The following BCR variants were observed in gnomAD, a reference collection of about 807,000 sequenced individuals.
BCR encodes breakpoint cluster region protein.
In BCR, 58 loss-of-function variants were observed where a neutral mutation model predicts 138.6. The ratio of observed to expected loss-of-function variants is 0.42; its 90% CI spans 0.34 to 0.52. The LOEUF (loss-of-function observed/expected upper bound fraction) is 0.52, where lower values mean the gene tolerates loss of function less well. Ranked by LOEUF, BCR falls within the 20% of genes least tolerant of loss-of-function variation. The pLI is 0.06. For missense variants in BCR, 1,599 were observed against 1,727.2 expected, an observed-to-expected ratio of 0.93 and a Z score of 1.32; for synonymous variants, 786 against 730.1, an observed-to-expected ratio of 1.08 and a Z score of -1.23.
At chr22:23,274,550 A>G (rs977891589) in intron 8 of BCR, among the ~76,000 whole-genome samples, 3 of 152,198 alleles carry the variant, frequency 2.0e-5, no homozygotes, top group African/African-American at 7.2e-5. Context: ...GGTCTCATGC[A>G]GGGACAGAAG....
Position 23,292,767 on chromosome 22 carries a change from A to C in BCR, c.2880+129A>C, listed in dbSNP as rs922547169. On this transcript the variant is annotated intron_variant, in intron 15 of 22. Coordinates refer to ENST00000305877, the MANE Select transcript of BCR (RefSeq NM_004327.4). ...GAAGGCAGTGCTGCTGAATTCCAGG[A>C]ATCTCCTGGGGGGCCAGTAGGTGAC... The C allele has an allele frequency of 4.2e-6, 3 of 714,106 alleles. No individual in the cohort carries two copies. The African/African-American group carries it at 5.4e-5, about 13-fold the overall frequency. The allele number at this position is 714,106 out of a possible 1,614,324, so 44.2% of individuals were successfully genotyped here.
chr22:23,282,977 C>G (rs537060321), intron 8 of BCR, among the ~76,000 whole-genome samples: 2 of 152,328 alleles, frequency 1.3e-5, no homozygotes, highest in East Asian at 3.9e-4. Context: ...GCTCTGTTTT[C>G]TCATTAAGGA....
intron 1 of BCR, chr22:23,198,444 G>A (rs2072508601): frequency 4.9e-6 from 2 of 408,984 alleles, no homozygotes; most frequent in South Asian, 1.8e-5. Context: ...AGGTGGCTGG[G>A]TTACTGCTGA....
intron 8 of BCR, among the ~76,000 whole-genome samples, chr22:23,279,011 GC>G (rs2073611211): frequency 6.6e-6 from 1 of 152,246 alleles, no homozygotes; most frequent in African/African-American, 2.4e-5. Context: ...TGGGCACGTT[GC>G]TTACCTCTTA....
rs5996481 is a variant in BCR, at chr22:23,189,997, A to G, written c.1279+7758A>G. 4.8e-3 allele frequency among the ~76,000 whole-genome samples: 733 copies of G among 152,280 alleles called. 4 individuals are homozygous for G. The highest frequency in any genetic ancestry group is 0.017 in the African/African-American group (690 of 41,556). On this transcript the variant is annotated intron_variant, in intron 1 of 22. Coordinates refer to ENST00000305877, the MANE Select transcript of BCR (RefSeq NM_004327.4). ...AGACTGGGTGGCTTAAATAACAGAA[A>G]TATATTTTCTCACACTTCTGGATGC...
At chr22:23,186,805 C>T (rs999828977) in intron 1 of BCR, among the ~76,000 whole-genome samples, 1 of 152,158 alleles carries the variant, frequency 6.6e-6, no homozygotes, top group African/African-American at 2.4e-5. Context: ...CTCCCCAGTT[C>T]AAGCTTCAAG....
intron 1 of BCR, among the ~76,000 whole-genome samples, chr22:23,199,928 CA>C (rs796683711): frequency 2.4e-4 from 36 of 148,314 alleles, no homozygotes; most frequent in Non-Finnish European, 4.3e-4. Context: ...ACTAAAAATA[CA>C]AAAAAAAAAT....
In BCR at chr22:23,214,389, A is replaced by G. The variant is rs367607214; in HGVS notation, c.1279+32150A>G. On this transcript the variant is annotated intron_variant, in intron 1 of 22. Transcript: ENST00000305877. ...CCCCCCAGTATATGAAAAAGATGAA[A>G]GAGGAGCCACAGGTCCTGAAGGCTG... Among the ~76,000 whole-genome samples the G allele has an allele frequency of 2.6e-3, 391 of 152,338 alleles. 3 individuals are homozygous for G. Among genetic ancestry groups the G allele is most frequent in the African/African-American group, 9.0e-3 (372 of 41,564 alleles).
intron 8 of BCR, among the ~76,000 whole-genome samples, chr22:23,278,138 C>T (rs1417884673): frequency 2.0e-5 from 3 of 152,362 alleles, no homozygotes; most frequent in South Asian, 2.1e-4. Context: ...TCTGTCTACT[C>T]GGAGCCTTGG....
At chr22:23,305,450 G>A (rs993579559) in intron 16 of BCR, among the ~76,000 whole-genome samples, 3 of 152,118 alleles carry the variant, frequency 2.0e-5, no homozygotes, top group Non-Finnish European at 4.4e-5. Flanking sequence ...GATGTCCTCC[G>A]GCTGCCCATT....
At chr22:23,205,640 T>G (rs5759648) in intron 1 of BCR, among the ~76,000 whole-genome samples, 60,061 of 148,698 alleles carry the variant, frequency 0.4, 13,114 homozygotes, top group East Asian at 0.9. Context: ...TTTGAACCAA[T>G]AATTTTTTTT....
chr22:23,292,906 TTGTC>T (rs1226201255), intron 15 of BCR, among the ~76,000 whole-genome samples: 2 of 152,216 alleles, frequency 1.3e-5, no homozygotes, highest in African/African-American at 4.8e-5. Context: ...AAAAGGCTTT[TTGTC>T]TGCCTTTGTT....
chr22:23,277,132 T>C (rs746157082), intron 8 of BCR, among the ~76,000 whole-genome samples: 17 of 152,240 alleles, frequency 1.1e-4, no homozygotes, highest in Admixed American at 3.3e-4. Context: ...GGCCTGAACT[T>C]TTCTCAGTTC....
chr22:23,268,107 C>T (rs992756637), intron 4 of BCR, among the ~76,000 whole-genome samples: 1 of 152,194 alleles, frequency 6.6e-6, no homozygotes, highest in Non-Finnish European at 1.5e-5. Context: ...CTTCAGCTGC[C>T]GCTCATGGCA....
chr22:23,308,916 T>G (rs2073977756), intron 16 of BCR, among the ~76,000 whole-genome samples: 1 of 152,108 alleles, frequency 6.6e-6, no homozygotes, highest in African/African-American at 2.4e-5. Context: ...AGGGCTTGTT[T>G]CTGGGTCCTT....
chr22:23,308,202 C>G (rs1488839211), intron 16 of BCR, among the ~76,000 whole-genome samples: 2 of 152,090 alleles, frequency 1.3e-5, no homozygotes, highest in Non-Finnish European at 2.9e-5. Context: ...CGTGACCTGG[C>G]TTCACTCCAG....
At position 23,246,842 on chromosome 22, in the gene BCR, G is replaced by A. The variant is rs571885042; in HGVS notation, c.1280-6957G>A. Among the ~76,000 whole-genome samples the A allele has an allele frequency of 3.9e-5, 6 of 152,096 alleles. No individual in the cohort carries two copies. The South Asian group carries it at 1.0e-3, about 26-fold the overall frequency. On this transcript the variant is annotated intron_variant, in intron 1 of 22. Coordinates refer to ENST00000305877, the MANE Select transcript of BCR (RefSeq NM_004327.4). ...AACTTACCTCCCTGAAGCACTACGG[G>A]TATTCCCTGACCTTACCTGAGGTTC...
At chr22:23,215,001 C>T (rs2072735342) in intron 1 of BCR, among the ~76,000 whole-genome samples, 1 of 152,174 alleles carries the variant, frequency 6.6e-6, no homozygotes, top group African/African-American at 2.4e-5. Context: ...CTCCCTCCTC[C>T]CTCAGCCCCT....
At chr22:23,252,796 C>T (rs2073246394) in intron 1 of BCR, among the ~76,000 whole-genome samples, 1 of 152,168 alleles carries the variant, frequency 6.6e-6, no homozygotes, top group African/African-American at 2.4e-5. Context: ...TTTCTCTGTA[C>T]ACAAGCTCAA....
Sources: allele counts gnomAD v4.1 joint callset (sites outside exome capture counted in the v4.1 genomes callset), GRCh38; gene constraint gnomAD v4.1.1; transcripts MANE v1.5; gene names NCBI Gene and HGNC (gene_info 2026-07-23, HGNC 2026-07-21).